UNC93A: variants seen among roughly 807,000 people sequenced by gnomAD.
The protein encoded by UNC93A is unc-93 homolog A.
In UNC93A, 43 loss-of-function variants were observed where a neutral mutation model predicts 47.5. That is an observed-to-expected ratio of 0.91 (90% CI 0.71 to 1.17). The LOEUF (loss-of-function observed/expected upper bound fraction) is 1.17. UNC93A is among the 50% of genes most tolerant of loss of function. The probability of loss-of-function intolerance (pLI) is 0.00; values close to 1 mark genes in which losing one functional copy is unlikely to be tolerated. For synonymous variants in UNC93A, 280 were observed against 258.0 expected (o/e 1.09, Z -0.82); for missense variants, 605 against 577.6 (o/e 1.05, Z -0.49).
chr6:167,313,946 C>A (rs1778622936), intron 7 of UNC93A, among the ~76,000 whole-genome samples: 1 of 152,168 alleles, frequency 6.6e-6, no homozygotes, highest in African/African-American at 2.4e-5. Flanking sequence ...GACTGTGGGA[C>A]AAGAAGGGTG....
chr6:167,284,103 G>T (rs1031461666), intron 1 of UNC93A, among the ~76,000 whole-genome samples: 1 of 152,142 alleles, frequency 6.6e-6, no homozygotes, highest in African/African-American at 2.4e-5. Flanking sequence ...AATGCTCTCT[G>T]GCTTCTGCTC....
At chr6:167,280,416 T>C (rs1261679128) in intron 1 of UNC93A, among the ~76,000 whole-genome samples, 5 of 152,212 alleles carry the variant, frequency 3.3e-5, no homozygotes, top group Non-Finnish European at 7.3e-5. Context: ...GCACCCTTCA[T>C]CTCAATAGAA....
At chr6:167,283,787 A>G (rs1399960124) in intron 1 of UNC93A, among the ~76,000 whole-genome samples, 1 of 152,194 alleles carries the variant, frequency 6.6e-6, no homozygotes, top group Non-Finnish European at 1.5e-5. Context: ...ATAACTACTC[A>G]ATGGTTAAAA....
intron 7 of UNC93A, among the ~76,000 whole-genome samples, chr6:167,309,600 G>A (rs963799426): frequency 6.6e-6 from 1 of 152,130 alleles, no homozygotes; most frequent in African/African-American, 2.4e-5. Flanking sequence ...AATGGAAAAA[G>A]CAAACCCACA....
At chr6:167,310,197 T>C (rs948786115) in intron 7 of UNC93A, among the ~76,000 whole-genome samples, 1 of 152,260 alleles carries the variant, frequency 6.6e-6, no homozygotes, top group Non-Finnish European at 1.5e-5. Context: ...TTACCAGAAG[T>C]GCACCATGAC....
upstream of UNC93A, among the ~76,000 whole-genome samples, chr6:167,288,449 TACACACACACACACAC>T (rs10586281): frequency 2.2e-5 from 3 of 134,734 alleles, no homozygotes; most frequent in South Asian, 2.3e-4. Flanking sequence ...TGTTCTTCCT[TACACACACACACACAC>T]ACACACACAC....
chr6:167,277,185 G>T (rs546941671), intron 1 of UNC93A, among the ~76,000 whole-genome samples: 62 of 152,356 alleles, frequency 4.1e-4, no homozygotes, highest in Admixed American at 7.2e-4. Flanking sequence ...CAGTGACATG[G>T]AGTCTGGCCA....
chr6:167,313,180 C>T (rs961792327), intron 7 of UNC93A, among the ~76,000 whole-genome samples: 1 of 152,160 alleles, frequency 6.6e-6, no homozygotes, highest in Non-Finnish European at 1.5e-5. Flanking sequence ...GGGGACAGCC[C>T]ACTTTCCAGC....
rs77082908 is a variant in UNC93A, at chr6:167,283,663, T to C, written c.-51-7776T>C. The stretch of plus-strand genomic sequence containing the variant: ...CGCGTTGCCTGCCAGCTAGAATGAG[T>C]TGCGGAACATGCCAAGTTTGAGATA... On this transcript the variant is annotated intron_variant, in intron 1 of 3. Coordinates refer to the UNC93A transcript ENST00000503433. 6.7e-3 allele frequency among the ~76,000 whole-genome samples: 1,014 copies of C among 152,206 alleles called. 17 individuals are homozygous for C. Among genetic ancestry groups the C allele is most frequent in the African/African-American group, 0.023 (951 of 41,514 alleles).
chr6:167,307,779 G>T lies in UNC93A; in HGVS notation c.977G>T (p.Gly326Val). ...GGCGGTTTCCCCTCTGCACCCCCAG[G>T]CGCGGTGACCCACGTGTCCTGCATG... is the stretch of plus-strand genomic sequence containing the variant. Reference protein sequence around the residue: ...YTGRAVLYVLGAVTHVSCMIA... With the variant: ...YTGRAVLYVLVAVTHVSCMIA... The change falls in exon 7 of 8, where the codon GGC (glycine) becomes GTC (valine). Residue 326 changes from glycine to valine, a missense_variant and splice_region_variant. By Grantham distance (109) the Gly-to-Val change is moderately radical. Transcript: ENST00000230256. The T allele has an allele frequency of 6.3e-7, 1 of 1,593,542 alleles. No individual in the cohort carries two copies. Among genetic ancestry groups the T allele is most frequent in the Non-Finnish European group, 8.5e-7 (1 of 1,173,002 alleles).
chr6:167,294,637 A>G lies in UNC93A; in HGVS notation c.208A>G (p.Thr70Ala), dbSNP rs773989681. Residue 70 changes from threonine (T) to alanine (A), a missense_variant, in exon 2 of 8, where the codon ACC becomes GCC. Thr to Ala is a moderately conservative substitution (Grantham distance 58). Transcript: ENST00000230256. ...LLIERLGCKGTIILSMCGYVA... is the reference protein window; with the variant it reads ...LLIERLGCKGAIILSMCGYVA... Reference sequence around the variant, plus strand: ...CATCGAGAGGCTGGGCTGCAAGGGGACCATCATCCTCTCCATGTGTGGCTA... The same window carrying G: ...CATCGAGAGGCTGGGCTGCAAGGGGGCCATCATCCTCTCCATGTGTGGCTA... 1.9e-6 allele frequency: 3 copies of G among 1,612,916 alleles called. No individual in the cohort carries two copies. The South Asian group carries it at 3.3e-5, about 18-fold the overall frequency.
chr6:167,269,645 C>T (rs1322790189), upstream of UNC93A, among the ~76,000 whole-genome samples: 3 of 152,172 alleles, frequency 2.0e-5, no homozygotes, highest in Admixed American at 6.5e-5. Flanking sequence ...CTTGCTCTGT[C>T]GCCCAGGCTA....
chr6:167,296,978 CT>C (rs1258537965), intron 3 of UNC93A, among the ~76,000 whole-genome samples: 6 of 152,220 alleles, frequency 3.9e-5, no homozygotes, highest in Admixed American at 1.3e-4. Context: ...GCTTGGTAAA[CT>C]CTGTAGCCAA....
At chr6:167,300,225 A>G (rs571552368) in intron 4 of UNC93A, among the ~76,000 whole-genome samples, 65 of 152,334 alleles carry the variant, frequency 4.3e-4, no homozygotes, top group African/African-American at 1.5e-3. Flanking sequence ...GGCATCTTCC[A>G]ACATGGTGAC....
intron 1 of UNC93A, among the ~76,000 whole-genome samples, chr6:167,273,162 T>C (rs1488606265): frequency 6.6e-6 from 1 of 152,206 alleles, no homozygotes; most frequent in African/African-American, 2.4e-5. Context: ...TGCTCTTTGC[T>C]CTGGTCCCAG....
At chr6:167,309,419 G>T (rs1418444244) in intron 7 of UNC93A, among the ~76,000 whole-genome samples, 1 of 152,078 alleles carries the variant, frequency 6.6e-6, no homozygotes, top group Non-Finnish European at 1.5e-5. Context: ...CCCATCTAAG[G>T]CCCCGAGGGG....
chr6:167,282,206 G>GCT (rs1318122244), intron 1 of UNC93A, among the ~76,000 whole-genome samples: 91 of 152,228 alleles, frequency 6.0e-4, no homozygotes, highest in African/African-American at 2.2e-3. Flanking sequence ...CAGCTGACCA[G>GCT]GAAACATTTT....
At chr6:167,276,069 T>C (rs978694689) in intron 1 of UNC93A, among the ~76,000 whole-genome samples, 8 of 144,834 alleles carry the variant, frequency 5.5e-5, no homozygotes, top group African/African-American at 2.2e-4. Flanking sequence ...CTTTTCTTTT[T>C]TTTTTTTTAG....
chr6:167,273,113 C>T (rs963415737), intron 1 of UNC93A, among the ~76,000 whole-genome samples: 5 of 152,200 alleles, frequency 3.3e-5, no homozygotes, highest in East Asian at 1.9e-4. Context: ...CTTACTGCCG[C>T]CTTCTAACCC....
Sources: gnomAD v4.1 joint callset for allele counts (sites outside exome capture counted in the v4.1 genomes callset) on GRCh38, gnomAD v4.1.1 for gene constraint, MANE v1.5 for transcripts, NCBI Gene and HGNC (gene_info 2026-07-23, HGNC 2026-07-21) for gene names.